ALK: variants seen among roughly 807,000 people sequenced by gnomAD.
ALK encodes the protein ALK receptor tyrosine kinase.
Under a neutral mutation model 163.1 loss-of-function variants are expected in ALK, and 74 were observed. The ratio of observed to expected loss-of-function variants is 0.45; its 90% CI spans 0.38 to 0.55. The LOEUF (loss-of-function observed/expected upper bound fraction) is 0.55, where lower values mean the gene tolerates loss of function less well. Ranked by LOEUF, ALK falls within the 20% of genes least tolerant of loss-of-function variation. The pLI is 0.00. For synonymous variants in ALK, 960 were observed against 843.2 expected (o/e 1.14, Z -2.40); for missense variants, 2,063 against 2,105.3 (o/e 0.98, Z 0.39).
chr2:29,677,143 T>C (rs1677897658), intron 3 of ALK, among the ~76,000 whole-genome samples: 3 of 151,748 alleles, frequency 2.0e-5, no homozygotes. Context: ...CCTCCCTCCC[T>C]ATTTTATCCT....
At chr2:29,463,580 G>C (rs1268552874) in intron 4 of ALK, among the ~76,000 whole-genome samples, 1 of 152,190 alleles carries the variant, frequency 6.6e-6, no homozygotes, top group Non-Finnish European at 1.5e-5. Context: ...TGATCCTTGA[G>C]AGAAAGGAAA....
At position 29,383,961 on chromosome 2, in the gene ALK, T is replaced by C. The variant is rs1553309566; in HGVS notation, c.1155-102A>G. ...CATGTCCTTGCAGGGACTTCAGGAC[T>C]CACATTCTTCATGGGCACCAAGAGA... On this transcript the variant is annotated intron_variant, in intron 4 of 28. Coordinates refer to ENST00000389048, the MANE Select transcript of ALK (RefSeq NM_004304.5). 5 of 1,441,824 alleles carry C rather than the reference T, an allele frequency of 3.5e-6. No homozygotes were observed. The South Asian group carries it at 4.6e-5, about 13-fold the overall frequency. 89.3% of individuals were successfully genotyped at this position (1,441,824 alleles called of 1,614,324 possible). A position where few individuals can be genotyped will look rare whatever the true frequency, so the allele number is the denominator to read the frequency against.
chr2:29,663,014 T>C (rs999400085), intron 3 of ALK, among the ~76,000 whole-genome samples: 1 of 152,170 alleles, frequency 6.6e-6, no homozygotes, highest in Admixed American at 6.6e-5. Flanking sequence ...GAGTCACAAA[T>C]TGACTCATAG....
intron 26 of ALK, among the ~76,000 whole-genome samples, chr2:29,206,799 G>GTGTA (rs1297401598): frequency 6.7e-6 from 1 of 148,842 alleles, no homozygotes; most frequent in Non-Finnish European, 1.5e-5. Context: ...GTGTGTGTGT[G>GTGTA]TATGTATGTG....
At chr2:29,247,539 C>A (rs145975585) in intron 12 of ALK, among the ~76,000 whole-genome samples, 1 of 152,210 alleles carries the variant, frequency 6.6e-6, no homozygotes, top group Non-Finnish European at 1.5e-5. Context: ...CTGCCTGCCC[C>A]GCACCCCCTT....
intron 3 of ALK, among the ~76,000 whole-genome samples, chr2:29,560,609 T>C (rs932785115): frequency 2.0e-5 from 3 of 152,128 alleles, no homozygotes; most frequent in Non-Finnish European, 4.4e-5. Context: ...TCTTGCTCTG[T>C]TGCCCAGGCT....
chr2:29,611,560 G>A (rs1675692770), intron 3 of ALK, among the ~76,000 whole-genome samples: 1 of 152,270 alleles, frequency 6.6e-6, no homozygotes, highest in Admixed American at 6.5e-5. Context: ...GGAAAGAGGA[G>A]GTTATATAAA....
At chr2:29,303,198 C>T (rs1301628220) in intron 8 of ALK, among the ~76,000 whole-genome samples, 6 of 151,986 alleles carry the variant, frequency 3.9e-5, no homozygotes, top group African/African-American at 1.4e-4. Context: ...TTAAAAATAA[C>T]ACCTTTGCCC....
chr2:29,370,463 T>C (rs116137356), intron 5 of ALK, among the ~76,000 whole-genome samples: 1,657 of 152,300 alleles, frequency 0.011, 27 homozygotes, highest in African/African-American at 0.038. Flanking sequence ...GGGCTGCCCG[T>C]CCCTGTAGCA....
At chr2:29,426,392 A>T (rs911697847) in intron 4 of ALK, among the ~76,000 whole-genome samples, 7 of 152,198 alleles carry the variant, frequency 4.6e-5, no homozygotes, top group African/African-American at 1.7e-4. Flanking sequence ...ACAAAGAGAA[A>T]ATCTTGAAAG....
chr2:29,872,521 A>C (rs1045330089), intron 1 of ALK, among the ~76,000 whole-genome samples: 1 of 152,220 alleles, frequency 6.6e-6, no homozygotes, highest in African/African-American at 2.4e-5. Context: ...GTTGGGGAAA[A>C]TCACCTGGCA....
intron 14 of ALK, among the ~76,000 whole-genome samples, chr2:29,232,930 G>A (rs1414830610): frequency 6.6e-6 from 1 of 152,180 alleles, no homozygotes; most frequent in East Asian, 1.9e-4. Context: ...TCTGTCTTCA[G>A]TTTCTGGCCT....
chr2:29,916,922 C>T (rs942543919), intron 1 of ALK, among the ~76,000 whole-genome samples: 3 of 152,170 alleles, frequency 2.0e-5, no homozygotes, highest in Admixed American at 1.3e-4. Flanking sequence ...GCCTCTTCAC[C>T]TCTTCTCCAT....
chr2:29,407,368 A>C (rs377378543), intron 4 of ALK, among the ~76,000 whole-genome samples: 40 of 152,378 alleles, frequency 2.6e-4, no homozygotes, highest in African/African-American at 8.9e-4. Flanking sequence ...TAAGTGGCAG[A>C]CATTGTGTTA....
At chr2:29,583,035 G>GTTTTTGTT (rs1553335209) in intron 3 of ALK, among the ~76,000 whole-genome samples, 14 of 108,032 alleles carry the variant, frequency 1.3e-4, no homozygotes, top group Admixed American at 1.1e-3. Flanking sequence ...GCTAACTTTT[G>GTTTTTGTT]TTTTTTGTTT....
At chr2:29,586,439 T>C (rs903495100) in intron 3 of ALK, among the ~76,000 whole-genome samples, 5 of 152,204 alleles carry the variant, frequency 3.3e-5, no homozygotes, top group Non-Finnish European at 7.3e-5. Context: ...ACTATCCACA[T>C]ATATTATCTT....
chr2:29,445,913 A>C (rs1314415601), intron 4 of ALK, among the ~76,000 whole-genome samples: 11 of 148,578 alleles, frequency 7.4e-5, no homozygotes, highest in Admixed American at 1.3e-4. Flanking sequence ...TCCCGGCTAA[A>C]ACGGTGAAAC....
At chr2:29,901,986 C>T (rs1370981483) in intron 1 of ALK, among the ~76,000 whole-genome samples, 1 of 152,128 alleles carries the variant, frequency 6.6e-6, no homozygotes, top group African/African-American at 2.4e-5. Flanking sequence ...GTTGCATAAT[C>T]CATAATTCAG....
chr2:29,320,274 G>T lies in ALK; in HGVS notation c.1546+477C>A, dbSNP rs182449124. Reference sequence around the variant, plus strand: ...GCTTAAATCAGGGGTGAGGTAGGGGGATGGCTGGAGAGGCTGTGCTGCAGG... The same window carrying T: ...GCTTAAATCAGGGGTGAGGTAGGGGTATGGCTGGAGAGGCTGTGCTGCAGG... On this transcript the variant is annotated intron_variant, in intron 7 of 28. Coordinates refer to ENST00000389048, the MANE Select transcript of ALK (RefSeq NM_004304.5). Among the ~76,000 whole-genome samples the T allele has an allele frequency of 1.6e-4, 24 of 152,318 alleles. 1 individual carries two copies. In the East Asian group the frequency reaches 4.4e-3, roughly 28 times the overall value.
Sources: allele counts gnomAD v4.1 joint callset (sites outside exome capture counted in the v4.1 genomes callset), GRCh38; gene constraint gnomAD v4.1.1; transcripts MANE v1.5; gene names NCBI Gene and HGNC (gene_info 2026-07-23, HGNC 2026-07-21).